Variants in ZNF160 observed in about 807,000 individuals in gnomAD.
The protein encoded by ZNF160 is KRAB zinc finger protein KR18.
In ZNF160, 9 loss-of-function variants were observed where a neutral mutation model predicts 13.1. The ratio of observed to expected loss-of-function variants is 0.69; its 90% CI spans 0.41 to 1.20. ZNF160 has a LOEUF of 1.20. Ranked by LOEUF, ZNF160 falls within the 50% of genes most tolerant of loss-of-function variation. The pLI is 0.01. For missense variants in ZNF160, 838 were observed against 988.0 expected (o/e 0.85, Z 2.04); for synonymous variants, 293 against 333.2 (o/e 0.88, Z 1.31).
chr19:53,068,369 G>A lies in ZNF160; in HGVS notation c.2165C>T (p.Thr722Ile). ...KAFSVRSSLTTHQAIHTGKKP... is the reference protein window; with the variant it reads ...KAFSVRSSLTIHQAIHTGKKP... ...TTTCCCAGTATGGATTGCCTGATGG[G>A]TGGTTAGGCTTGAACGAACACTGAA... is the stretch of plus-strand genomic sequence containing the variant. Residue 722 changes from threonine to isoleucine, a missense_variant, in exon 6 of 6, where the codon ACC becomes ATC. Thr to Ile is a moderately conservative substitution (Grantham distance 89). Transcript: ENST00000683776. The A allele has an allele frequency of 6.2e-7, 1 of 1,614,030 alleles. No homozygotes were observed.
chr19:53,099,410 G>T (rs906985003), intron 1 of ZNF160, among the ~76,000 whole-genome samples: 10 of 152,228 alleles, frequency 6.6e-5, no homozygotes, highest in African/African-American at 2.4e-4. Flanking sequence ...GCTCCCAGGA[G>T]GAGGCTGGAC....
chr19:53,072,753 A>T (rs2084227088), intron 5 of ZNF160: 1 of 165,386 alleles, frequency 6.0e-6, no homozygotes, highest in Admixed American at 6.5e-5. Flanking sequence ...CGGGAGGCTG[A>T]GACAGGAGAA....
In ZNF160 at chr19:53,069,379, T is replaced by G. The variant is rs1383154435; in HGVS notation, c.1155A>C (p.Ile385=). 6.2e-7 allele frequency: 1 copy of G among 1,614,066 alleles called. No individual in the cohort carries two copies. The highest frequency in any genetic ancestry group is 8.5e-7 in the Non-Finnish European group (1 of 1,180,002). The stretch of plus-strand genomic sequence containing the variant: ...CTCCAGTGTGAATTCTCCAATGACT[T>G]ATAAGGTGTGAATTTTGAGTGAAGA... ...GKLFTQNSHL[I]SHWRIHTGEK... The change falls in exon 6 of 6, where the codon ATA becomes ATC. Residue 385 remains isoleucine, a synonymous_variant. Coordinates refer to ENST00000683776, the MANE Select transcript of ZNF160 (RefSeq NM_001322131.2). The surrounding 1 kb of genome is among the most constrained non-coding windows in gnomAD (Gnocchi z 4.4).
chr19:53,101,535 G>A (rs1287311306), intron 1 of ZNF160, among the ~76,000 whole-genome samples: 1 of 151,938 alleles, frequency 6.6e-6, no homozygotes, highest in East Asian at 1.9e-4. Context: ...AGCCAATACA[G>A]GATTCCACAA....
chr19:53,103,004 G>A (rs1047063643), intron 1 of ZNF160, among the ~76,000 whole-genome samples: 28 of 152,322 alleles, frequency 1.8e-4, no homozygotes, highest in African/African-American at 6.5e-4. Flanking sequence ...GGACTGGGTC[G>A]GCGGCGCTGC....
intron 3 of ZNF160, chr19:53,075,803 AG>A (rs749787652): frequency 1.9e-6 from 1 of 518,948 alleles, no homozygotes; most frequent in Non-Finnish European, 3.8e-6. Context: ...AATTTCAAGG[AG>A]GGGGTCATCA....
At chr19:53,092,564 T>C (rs1024935601) in intron 1 of ZNF160, among the ~76,000 whole-genome samples, 2 of 152,244 alleles carry the variant, frequency 1.3e-5, no homozygotes, top group Admixed American at 1.3e-4. Context: ...TCCACCTGCT[T>C]TGGCCTCCCA....
rs2084229740 is a variant in ZNF160, at chr19:53,072,829, C to A, written c.271+1311G>T. On this transcript the variant is annotated intron_variant, in intron 5 of 5. Coordinates refer to ENST00000683776, the MANE Select transcript of ZNF160 (RefSeq NM_001322131.2). ...TCGCACCATTGCACTCCAGCCTGGG[C>A]AACAAGAGCGAAACTTCATTTAAAA... 1.5e-5 allele frequency: 8 copies of A among 531,630 alleles called. No homozygotes were observed. In the South Asian group the frequency reaches 4.1e-4, roughly 27 times the overall value. 32.9% of individuals were successfully genotyped at this position (531,630 alleles called of 1,614,324 possible). A position where few individuals can be genotyped will look rare whatever the true frequency, so the allele number is the denominator to read the frequency against.
rs750614980 is a variant in ZNF160 at position 53,069,783 on chromosome 19, T to G, written c.751A>C (p.Asn251His). 4 of 1,614,218 alleles carry G rather than the reference T, an allele frequency of 2.5e-6. No individual in the cohort carries two copies. In the South Asian group the frequency reaches 4.4e-5, roughly 18 times the overall value. ...FSLLTQRRKA[N>H]SCGKPYKCNE... ...CATTTATAAGGTTTTCCACAACTGT[T>G]TGCTTTTCGTCTTTGTGTGAGTAAT... The change falls in exon 6 of 6, where the codon AAC (asparagine) becomes CAC (histidine). Residue 251 changes from asparagine to histidine, a missense_variant. Physicochemically the swap from Asn to His is moderately conservative, Grantham distance 68 (BLOSUM62 1). Around this residue, in one of 3 missense-constraint regions of ZNF160, gnomAD observed 387 missense variants for 402.3 expected, o/e 0.96. Coordinates refer to ENST00000683776, the MANE Select transcript of ZNF160 (RefSeq NM_001322131.2). The surrounding 1 kb of genome is among the most constrained non-coding windows in gnomAD (Gnocchi z 4.4).
chr19:53,094,692 A>C (rs953367154), intron 1 of ZNF160, among the ~76,000 whole-genome samples: 8 of 152,220 alleles, frequency 5.3e-5, no homozygotes, highest in Non-Finnish European at 8.8e-5. Context: ...ATGTTGGATT[A>C]ACTGAAAATA....
At chr19:53,093,476 G>A (rs557560742) in intron 1 of ZNF160, 1 of 152,136 alleles carries the variant, frequency 6.6e-6, no homozygotes, top group South Asian at 2.1e-4. Flanking sequence ...GGAAGGGGGA[G>A]GCTTAACCTT....
intron 1 of ZNF160, among the ~76,000 whole-genome samples, chr19:53,101,002 G>A (rs1298852018): frequency 6.6e-6 from 1 of 151,788 alleles, no homozygotes; most frequent in African/African-American, 2.4e-5. Context: ...ATAAGGGCCA[G>A]GAGCGGTGGC....
chr19:53,098,931 AG>A (rs1280209069), intron 1 of ZNF160, among the ~76,000 whole-genome samples: 1 of 150,368 alleles, frequency 6.7e-6, no homozygotes, highest in Non-Finnish European at 1.5e-5. Context: ...AAATAGCCAC[AG>A]GAAGTTTAGA....
At position 53,069,844 on chromosome 19, in the gene ZNF160, G is replaced by A. The variant is rs1424632106; in HGVS notation, c.690C>T (p.His230=). 1.2e-6 allele frequency: 2 copies of A among 1,614,146 alleles called. No individual in the cohort carries two copies. Among genetic ancestry groups the A allele is most frequent in the Non-Finnish European group, 1.7e-6 (2 of 1,180,028 alleles). Reference sequence around the variant, plus strand: ...TAAGTTCATGATATTTTTTAGACCTGTGGGTTTGGACACTAGAAGGAATTT... The same window carrying A: ...TAAGTTCATGATATTTTTTAGACCTATGGGTTTGGACACTAGAAGGAATTT... The part of the protein sequence containing the change: ...LQQIPSSVQT[H]RSKKYHELNH... Residue 230 remains histidine (H), a synonymous_variant, in exon 6 of 6, where the codon CAC becomes CAT. Coordinates refer to ENST00000683776, the MANE Select transcript of ZNF160 (RefSeq NM_001322131.2). This position sits in a 1 kb window ranked among gnomAD's most constrained non-coding sequence, Gnocchi z 4.4.
chr19:53,078,795 C>G (rs1287472070), intron 3 of ZNF160, among the ~76,000 whole-genome samples: 2 of 94,862 alleles, frequency 2.1e-5, no homozygotes, highest in Non-Finnish European at 2.1e-5. Flanking sequence ...ACTGGAGCAG[C>G]AATCAAAAAA....
In ZNF160 at chr19:53,068,230, T is replaced by C. The variant is rs371567647; in HGVS notation, c.2304A>G (p.Lys768=). ...EKPYRCTECG[K]AFRVRSSLTT... is the part of the protein sequence containing the mutation. ...TTAGACTTGATCTTACCCTAAAGGCTTTCCCACACTCTGTACACCTGTAAG... is the reference window on the plus strand; with the variant it reads ...TTAGACTTGATCTTACCCTAAAGGCCTTCCCACACTCTGTACACCTGTAAG... The change falls in exon 6 of 6, where the codon AAA becomes AAG. Residue 768 remains lysine, a synonymous_variant. Coordinates refer to ENST00000683776, the MANE Select transcript of ZNF160 (RefSeq NM_001322131.2). 155 of 1,614,202 alleles carry C rather than the reference T, an allele frequency of 9.6e-5. No homozygotes were observed. The highest frequency in any genetic ancestry group is 1.5e-4 in the Admixed American group (9 of 60,022).
At chr19:53,070,567 C>T (rs1163390269) in intron 5 of ZNF160, among the ~76,000 whole-genome samples, 9 of 152,150 alleles carry the variant, frequency 5.9e-5, no homozygotes, top group South Asian at 2.1e-4. Flanking sequence ...CCCGCCACCA[C>T]GCCTGGCTAA....
intron 3 of ZNF160, among the ~76,000 whole-genome samples, chr19:53,077,905 GAAGA>G (rs1271988686): frequency 2.6e-5 from 4 of 151,892 alleles, no homozygotes; most frequent in Non-Finnish European, 5.9e-5. Context: ...AAATTATGAA[GAAGA>G]AACAGAAATT....
intron 5 of ZNF160, chr19:53,073,092 C>T: frequency 9.9e-7 from 1 of 1,005,456 alleles, no homozygotes; most frequent in Non-Finnish European, 1.3e-6. Flanking sequence ...TCATTTACTC[C>T]TAATGTTTTC....
Sources: gnomAD v4.1 joint callset for allele counts (sites outside exome capture counted in the v4.1 genomes callset) on GRCh38, gnomAD v4.1.1 for gene constraint, gnomAD v4.1.1 regional missense constraint, Gnocchi (gnomAD v3.1) non-coding constraint, MANE v1.5 for transcripts, NCBI Gene and HGNC (gene_info 2026-07-23, HGNC 2026-07-21) for gene names.